The following ADCK1 variants were observed in gnomAD, a reference collection of about 807,000 sequenced individuals.
ADCK1 encodes the protein aarF domain-containing protein kinase 1.
A neutral mutation model predicts 52.3 loss-of-function variants in ADCK1; 41 were observed. The ratio of observed to expected loss-of-function variants is 0.78; its 90% CI spans 0.61 to 1.02. The LOEUF is 1.02. ADCK1 is among the 50% of genes least tolerant of loss of function. The pLI is 0.00. For synonymous variants in ADCK1, 250 were observed against 274.6 expected (o/e 0.91, Z 0.89); for missense variants, 658 against 679.5 (o/e 0.97, Z 0.35).
chr14:77,812,974 T>C (rs1266126562), intron 1 of ADCK1, among the ~76,000 whole-genome samples: 1 of 152,072 alleles, frequency 6.6e-6, no homozygotes, highest in African/African-American at 2.4e-5. Flanking sequence ...ATTGAGCATT[T>C]CTGTTTAGGG....
chr14:77,815,815 CTTTT>C (rs35299824), intron 1 of ADCK1, among the ~76,000 whole-genome samples: 5 of 121,812 alleles, frequency 4.1e-5, no homozygotes, highest in Non-Finnish European at 8.6e-5. Flanking sequence ...CCGCACCTGG[CTTTT>C]TTTTTTTTTT....
chr14:77,809,667 G>A (rs2081297100), intron 1 of ADCK1, among the ~76,000 whole-genome samples: 3 of 151,884 alleles, frequency 2.0e-5, no homozygotes. Context: ...CCAAATCCTG[G>A]TTCCTTAGGT....
chr14:77,896,567 T>G (rs559361583), intron 5 of ADCK1, among the ~76,000 whole-genome samples: 1 of 152,354 alleles, frequency 6.6e-6, no homozygotes, highest in Non-Finnish European at 1.5e-5. Flanking sequence ...CGCCTGGGCC[T>G]GGGGGAATCA....
chr14:77,899,290 G>A lies in ADCK1; in HGVS notation c.741+32G>A, dbSNP rs1297579718. 8.7e-6 allele frequency: 14 copies of A among 1,612,326 alleles called. 1 individual carries two copies. In the Admixed American group the frequency reaches 2.3e-4, roughly 27 times the overall value. On this transcript the variant is annotated intron_variant, in intron 6 of 10. Coordinates refer to ENST00000238561, the MANE Select transcript of ADCK1 (RefSeq NM_020421.4). ...GGGACGATGCAATGCAGGGTATGGT[G>A]GTCTGGTGGAAGAGTGTAGCGGTAT...
intron 7 of ADCK1, among the ~76,000 whole-genome samples, chr14:77,908,740 C>T (rs183993759): frequency 3.9e-4 from 60 of 152,216 alleles, no homozygotes; most frequent in African/African-American, 1.4e-3. Flanking sequence ...TATGGGGGCT[C>T]GCAGGGGGAC....
intron 8 of ADCK1, 26 bp downstream of exon 8, chr14:77,924,632 C>A: frequency 6.2e-7 from 1 of 1,609,758 alleles, no homozygotes; most frequent in Non-Finnish European, 8.5e-7. Context: ...GTTACCCAGC[C>A]CTGGGGCCTC....
chr14:77,852,883 G>GTATATA (rs1287274541), intron 3 of ADCK1, among the ~76,000 whole-genome samples: 12 of 18,518 alleles, frequency 6.5e-4, no homozygotes, highest in African/African-American at 2.4e-3. Context: ...TTTTATGTGT[G>GTATATA]TATATATATA....
rs568472211 is a variant in ADCK1 at position 77,893,923 on chromosome 14, G to A, written c.583-5177G>A. 1.3e-3 allele frequency among the ~76,000 whole-genome samples: 191 copies of A among 152,076 alleles called. 1 individual carries two copies. Among genetic ancestry groups the A allele is most frequent in the Non-Finnish European group, 2.3e-3 (153 of 67,978 alleles). On this transcript the variant is annotated intron_variant, in intron 5 of 10. Transcript: ENST00000238561. ...TAATTTTTGTATTTTTAGTAGAGACGGGGTTTTGCCTTGTTGGCCAGGCTG... is the reference window on the plus strand; with the variant it reads ...TAATTTTTGTATTTTTAGTAGAGACAGGGTTTTGCCTTGTTGGCCAGGCTG...
intron 3 of ADCK1, 123 bp from the exon 4 acceptor site, chr14:77,858,953 T>G: frequency 3.5e-6 from 3 of 869,214 alleles, no homozygotes. Flanking sequence ...TGTGTGTGCA[T>G]GCATCTGCCC....
chr14:77,925,931 C>T lies in ADCK1; in HGVS notation c.1176C>T (p.Gly392=). The T allele has an allele frequency of 1.9e-6, 3 of 1,614,198 alleles. No homozygotes were observed. Among genetic ancestry groups the T allele is most frequent in the Non-Finnish European group, 2.5e-6 (3 of 1,180,042 alleles). ...GATCGTGGGACTCGGTCAACAGAGG[C>T]ATCAGCCAAGCTCCCGTCACTGCCA... ...TARSWDSVNR[G]ISQAPVTATE... Residue 392 remains glycine (G), a synonymous_variant, in exon 9 of 11, where the codon GGC becomes GGT. Transcript: ENST00000238561.
intron 3 of ADCK1, among the ~76,000 whole-genome samples, chr14:77,854,893 A>G (rs868074743): frequency 2.6e-5 from 4 of 152,142 alleles, no homozygotes; most frequent in African/African-American, 9.7e-5. Context: ...ACAAATTCAG[A>G]GCCCTACCTC....
At chr14:77,886,831 T>C (rs1566701629) in intron 4 of ADCK1, among the ~76,000 whole-genome samples, 1 of 151,870 alleles carries the variant, frequency 6.6e-6, no homozygotes, top group African/African-American at 2.4e-5. Context: ...TGCTTGAACC[T>C]GGGGGGCGGA....
At chr14:77,857,798 G>C (rs1360386844) in intron 3 of ADCK1, among the ~76,000 whole-genome samples, 1 of 152,212 alleles carries the variant, frequency 6.6e-6, no homozygotes, top group Non-Finnish European at 1.5e-5. Context: ...TGGCACTGAA[G>C]AGTATAAGTC....
chr14:77,861,509 C>A (rs943431782), intron 4 of ADCK1, among the ~76,000 whole-genome samples: 1 of 152,098 alleles, frequency 6.6e-6, no homozygotes, highest in Non-Finnish European at 1.5e-5. Flanking sequence ...CTCCAGGATG[C>A]TTGAGTGGGC....
intron 1 of ADCK1, among the ~76,000 whole-genome samples, chr14:77,817,073 C>G (rs907429396): frequency 5.3e-5 from 8 of 151,490 alleles, no homozygotes; most frequent in African/African-American, 1.9e-4. Context: ...AAAACCCTGT[C>G]TTTACTAAAA....
At chr14:77,857,900 G>A (rs2082454861) in intron 3 of ADCK1, among the ~76,000 whole-genome samples, 1 of 152,194 alleles carries the variant, frequency 6.6e-6, no homozygotes, top group Admixed American at 6.5e-5. Flanking sequence ...TCTTCTGCAT[G>A]TGCCCATGGC....
At chr14:77,855,952 C>T (rs1318222657) in intron 3 of ADCK1, among the ~76,000 whole-genome samples, 1 of 152,002 alleles carries the variant, frequency 6.6e-6, no homozygotes, top group African/African-American at 2.4e-5. Context: ...CCTGTAATCC[C>T]AACACTTTGG....
At chr14:77,909,498 A>G (rs1199339550) in intron 7 of ADCK1, among the ~76,000 whole-genome samples, 1 of 152,198 alleles carries the variant, frequency 6.6e-6, no homozygotes, top group East Asian at 1.9e-4. Context: ...GAGCGTGAGC[A>G]TGTGGTCCCA....
At chr14:77,836,671 C>A (rs1330397011) in intron 3 of ADCK1, among the ~76,000 whole-genome samples, 1 of 152,126 alleles carries the variant, frequency 6.6e-6, no homozygotes, top group East Asian at 1.9e-4. Flanking sequence ...AGGGAAGAAC[C>A]CTTCCTTGCC....
Sources: gnomAD v4.1 joint callset for allele counts (sites outside exome capture counted in the v4.1 genomes callset) on GRCh38, gnomAD v4.1.1 for gene constraint, MANE v1.5 for transcripts, NCBI Gene and HGNC (gene_info 2026-07-23, HGNC 2026-07-21) for gene names.